Variants in XKR4 observed in about 807,000 individuals in gnomAD.
XKR4 encodes XK-related protein 4.
Under a neutral mutation model 53.9 loss-of-function variants are expected in XKR4, and 12 were observed. That is an observed-to-expected ratio of 0.22 (90% CI 0.14 to 0.36). XKR4 has a LOEUF of 0.36. XKR4 is among the 10% of genes least tolerant of loss of function. The pLI is 1.00. For missense variants in XKR4, 799 were observed against 859.5 expected (o/e 0.93, Z 0.88); for synonymous variants, 354 against 362.4 (o/e 0.98, Z 0.26).
chr8:55,295,300 A>G (rs1321581438), intron 1 of XKR4, among the ~76,000 whole-genome samples: 2 of 152,196 alleles, frequency 1.3e-5, no homozygotes, highest in African/African-American at 4.8e-5. Flanking sequence ...GGCACAGAAA[A>G]AGGGGATCAT....
chr8:55,338,937 T>A (rs1352130470), intron 1 of XKR4, among the ~76,000 whole-genome samples: 2 of 152,228 alleles, frequency 1.3e-5, no homozygotes, highest in Admixed American at 6.5e-5. Context: ...TTGAACTGTT[T>A]AATGCAGCTG....
At chr8:55,186,293 C>A (rs1817375453) in intron 1 of XKR4, among the ~76,000 whole-genome samples, 2 of 152,140 alleles carry the variant, frequency 1.3e-5, no homozygotes, top group Admixed American at 6.5e-5. Flanking sequence ...TTTATTTTAA[C>A]AAAATGCTTA....
chr8:55,197,296 G>A (rs1285482274), intron 1 of XKR4, among the ~76,000 whole-genome samples: 1 of 152,128 alleles, frequency 6.6e-6, no homozygotes, highest in African/African-American at 2.4e-5. Flanking sequence ...CTCTATATTA[G>A]GTGATACATT....
At chr8:55,515,402 T>G (rs1013249455) in intron 2 of XKR4, among the ~76,000 whole-genome samples, 2 of 149,558 alleles carry the variant, frequency 1.3e-5, no homozygotes, top group African/African-American at 2.5e-5. Flanking sequence ...GGTTGTCGTG[T>G]TTTTTTTTCA....
intron 1 of XKR4, among the ~76,000 whole-genome samples, chr8:55,287,805 G>A (rs1443906504): frequency 6.6e-6 from 1 of 152,198 alleles, no homozygotes; most frequent in Non-Finnish European, 1.5e-5. Flanking sequence ...TTGAAGATAA[G>A]TATGTTGTTT....
chr8:55,526,423 T>TA lies in XKR4; in HGVS notation c.*2202dup, dbSNP rs1336002187. On this transcript the variant is annotated 3_prime_UTR_variant, in exon 3 of 3. Transcript: ENST00000327381. ...TTGATCCTCCAAGCAAGATTTCCAC[T>TA]AAAAAATACTAATCTTTTGTTGGGA... The TA allele has an allele frequency of 6.6e-6, 1 of 152,182 alleles. No homozygotes were observed. The highest frequency in any genetic ancestry group is 1.5e-5 in the Non-Finnish European group (1 of 68,022). The allele number at this position is 152,182 out of a possible 1,614,324, so 9.4% of individuals were successfully genotyped here. A position where few individuals can be genotyped will look rare whatever the true frequency, so the allele number is the denominator to read the frequency against.
chr8:55,517,323 C>T (rs1817457261), intron 2 of XKR4: 1 of 151,270 alleles, frequency 6.6e-6, no homozygotes, highest in Admixed American at 6.6e-5. Context: ...GGGGAAAATG[C>T]ACTAATTTAG....
At chr8:55,129,268 A>G (rs991949182) in intron 1 of XKR4, among the ~76,000 whole-genome samples, 2 of 152,274 alleles carry the variant, frequency 1.3e-5, no homozygotes, top group Admixed American at 6.5e-5. Flanking sequence ...ATTTTCTAAG[A>G]CAAAGAAATA....
rs754802998 is a variant in XKR4, at chr8:55,103,185, A to G, written c.697A>G (p.Ser233Gly). 8 of 1,613,942 alleles carry G rather than the reference A, an allele frequency of 5.0e-6. No homozygotes were observed. The highest frequency in any genetic ancestry group is 6.8e-6 in the Non-Finnish European group (8 of 1,180,048). ...CGCCGCGGCCAACAGCGGCAGCAAC[A>G]GCAGCGGGGCTACCCGGGCCAGTGG... ...NIAAANSGSN[S>G]SGATRASGKH... Residue 233 changes from serine to glycine, a missense_variant, in exon 1 of 3, where the codon AGC becomes GGC. Transcript: ENST00000327381.
intron 1 of XKR4, among the ~76,000 whole-genome samples, chr8:55,195,464 G>A (rs1817493046): frequency 1.3e-5 from 2 of 149,282 alleles, no homozygotes; most frequent in Admixed American, 6.7e-5. Flanking sequence ...ATAATATATA[G>A]CCTAAATATA....
Position 55,527,560 on chromosome 8 carries a change from A to G in XKR4, c.*3333A>G, listed in dbSNP as rs1344383702. 1 of 152,244 alleles carries G rather than the reference A, an allele frequency of 6.6e-6. No individual in the cohort carries two copies. Among genetic ancestry groups the G allele is most frequent in the East Asian group, 1.9e-4 (1 of 5,204 alleles). The allele number at this position is 152,244 out of a possible 1,614,324, so 9.4% of individuals were successfully genotyped here. On this transcript the variant is annotated 3_prime_UTR_variant, in exon 3 of 3. Transcript: ENST00000327381. The stretch of plus-strand genomic sequence containing the variant: ...ACTTTAAGTGTTTGTGTGAAAGAAA[A>G]GGAAATAATTTTTCCATGTAAGTCA...
chr8:55,502,168 T>A (rs1377978106), intron 2 of XKR4, among the ~76,000 whole-genome samples: 1 of 152,218 alleles, frequency 6.6e-6, no homozygotes, highest in Non-Finnish European at 1.5e-5. Context: ...ATTTTTTCAA[T>A]GTTTTTCAAA....
chr8:55,306,833 C>G (rs1819307794), intron 1 of XKR4, among the ~76,000 whole-genome samples: 1 of 151,950 alleles, frequency 6.6e-6, no homozygotes. Context: ...AGAAAGATAG[C>G]CTTGGAGATG....
intron 1 of XKR4, among the ~76,000 whole-genome samples, chr8:55,295,593 T>C (rs1373852134): frequency 2.0e-5 from 3 of 152,172 alleles, no homozygotes; most frequent in Non-Finnish European, 2.9e-5. Flanking sequence ...GTGGGAAATA[T>C]GGAATAAAAG....
At chr8:55,438,398 C>G (rs1805209810) in intron 2 of XKR4, among the ~76,000 whole-genome samples, 1 of 151,734 alleles carries the variant, frequency 6.6e-6, no homozygotes, top group East Asian at 1.9e-4. Flanking sequence ...CCAGCCTGGC[C>G]AACATGGTGA....
intron 1 of XKR4, among the ~76,000 whole-genome samples, chr8:55,251,759 A>G (rs1235021582): frequency 3.3e-5 from 5 of 152,210 alleles, no homozygotes; most frequent in African/African-American, 7.2e-5. Flanking sequence ...GAAATACAGT[A>G]ATGAGATAGC....
intron 1 of XKR4, chr8:55,135,725 C>T (rs1816619342): frequency 6.8e-6 from 3 of 443,104 alleles, no homozygotes; most frequent in South Asian, 3.2e-5. Flanking sequence ...TGTACACCTC[C>T]TCTGGGCACC....
rs142539326 is a variant in XKR4 at position 55,332,777 on chromosome 8, G to A, written c.807-24901G>A. On this transcript the variant is annotated intron_variant, in intron 1 of 2. Transcript: ENST00000327381. ...ACGTATCTTTCCTGAAATTCAGGAA[G>A]TTTTTGGCCATTATTTCCTCAAGTA... is the stretch of plus-strand genomic sequence containing the variant. Among the ~76,000 whole-genome samples the A allele has an allele frequency of 3.3e-4, 50 of 151,802 alleles. 1 individual carries two copies. Among genetic ancestry groups the A allele is most frequent in the African/African-American group, 1.2e-3 (49 of 41,472 alleles).
chr8:55,446,845 A>G (rs915739163), intron 2 of XKR4, among the ~76,000 whole-genome samples: 1 of 152,218 alleles, frequency 6.6e-6, no homozygotes, highest in Non-Finnish European at 1.5e-5. Flanking sequence ...AGGTCAATGG[A>G]CGTTTGCAGA....
Sources: gnomAD v4.1 joint callset for allele counts (sites outside exome capture counted in the v4.1 genomes callset) on GRCh38, gnomAD v4.1.1 for gene constraint, MANE v1.5 for transcripts, NCBI Gene and HGNC (gene_info 2026-07-23, HGNC 2026-07-21) for gene names.